The following CAST variants were observed in gnomAD, a reference collection of about 807,000 sequenced individuals.
The protein encoded by CAST is MIR583 host.
In CAST, 76 loss-of-function variants were observed where a neutral mutation model predicts 119.6. That is an observed-to-expected ratio of 0.64 (90% CI 0.53 to 0.77). The LOEUF (loss-of-function observed/expected upper bound fraction) is 0.77. CAST is among the 30% of genes least tolerant of loss of function. CAST has a pLI of 0.00. For missense variants in CAST, 953 were observed against 946.5 expected, an observed-to-expected ratio of 1.01 and a Z score of -0.09; for synonymous variants, 319 against 331.6, an observed-to-expected ratio of 0.96 and a Z score of 0.41.
chr5:96,115,183 C>T, the CAST span, among the ~76,000 whole-genome samples: 1 of 152,204 alleles, frequency 6.6e-6, no homozygotes, highest in African/African-American at 2.4e-5. Context: ...GACAAGCTCC[C>T]CACTACCACT....
the CAST span, among the ~76,000 whole-genome samples, chr5:96,024,770 CT>C: frequency 3.3e-5 from 5 of 152,084 alleles, no homozygotes; most frequent in Non-Finnish European, 5.9e-5. Flanking sequence ...TTTTAGCCTT[CT>C]TTTCATATGA....
the CAST span, among the ~76,000 whole-genome samples, chr5:96,447,639 A>G: frequency 6.6e-6 from 1 of 152,246 alleles, no homozygotes; most frequent in Admixed American, 6.5e-5. Flanking sequence ...TTACTTGGGA[A>G]CACTTGGTCA....
the CAST span, among the ~76,000 whole-genome samples, chr5:96,081,415 C>T: frequency 5.9e-5 from 9 of 152,090 alleles, no homozygotes; most frequent in Non-Finnish European, 7.4e-5. Flanking sequence ...GATCAGAGAA[C>T]GATATTCTTG....
At chr5:96,134,472 A>T in the CAST span, among the ~76,000 whole-genome samples, 1 of 152,218 alleles carries the variant, frequency 6.6e-6, no homozygotes, top group Admixed American at 6.5e-5. Context: ...CTGTGCCTCT[A>T]CTGGGATTCA....
chr5:96,434,625 G>GTTTT, the CAST span, among the ~76,000 whole-genome samples: 2 of 149,260 alleles, frequency 1.3e-5, no homozygotes, highest in African/African-American at 2.5e-5. Flanking sequence ...TTTTGTTGTT[G>GTTTT]TTGTTGTTGT....
At chr5:96,087,727 G>A in the CAST span, among the ~76,000 whole-genome samples, 5 of 152,112 alleles carry the variant, frequency 3.3e-5, no homozygotes, top group Middle Eastern at 3.2e-3. Flanking sequence ...CTGATTTGGC[G>A]GGATTTCAGA....
At chr5:96,664,923 T>C (rs1005482756) in intron 1 of CAST, among the ~76,000 whole-genome samples, 2 of 152,204 alleles carry the variant, frequency 1.3e-5, no homozygotes, top group Non-Finnish European at 2.9e-5. Context: ...TCTGCAAATA[T>C]GGATAGCAGT....
At chr5:96,643,995 A>G (rs1281017984) in intron 1 of CAST, among the ~76,000 whole-genome samples, 1 of 152,034 alleles carries the variant, frequency 6.6e-6, no homozygotes, top group Admixed American at 6.6e-5. Flanking sequence ...GCAGTGAGCC[A>G]AGATCATGCC....
chr5:96,143,580 G>C, the CAST span, among the ~76,000 whole-genome samples: 1 of 152,230 alleles, frequency 6.6e-6, no homozygotes, highest in East Asian at 1.9e-4. Context: ...CTGGTCCCCA[G>C]CTGCCTGCTA....
At chr5:95,982,087 G>A in the CAST span, among the ~76,000 whole-genome samples, 1 of 149,936 alleles carries the variant, frequency 6.7e-6, no homozygotes, top group Non-Finnish European at 1.5e-5. Context: ...CATATAAGAT[G>A]TAATACATTT....
At chr5:96,300,482 T>C in the CAST span, among the ~76,000 whole-genome samples, 1 of 152,186 alleles carries the variant, frequency 6.6e-6, no homozygotes, top group African/African-American at 2.4e-5. Context: ...GCCGATACCA[T>C]GCTGTTTTAA....
chr5:96,672,726 AAAAG>A (rs1750258436), intron 1 of CAST, among the ~76,000 whole-genome samples: 1 of 151,434 alleles, frequency 6.6e-6, no homozygotes, highest in Admixed American at 6.6e-5. Context: ...AAAAAAAAAA[AAAAG>A]AACTGGAAAA....
At chr5:96,449,630 T>C in the CAST span, among the ~76,000 whole-genome samples, 2 of 152,366 alleles carry the variant, frequency 1.3e-5, no homozygotes, top group South Asian at 4.1e-4. Context: ...TTGCCATGTG[T>C]ATTTTTGCTT....
the CAST span, among the ~76,000 whole-genome samples, chr5:96,345,783 G>A: frequency 6.6e-6 from 1 of 152,298 alleles, no homozygotes; most frequent in Middle Eastern, 3.4e-3. Context: ...TGTTGCTGGA[G>A]GCTTCCCTCA....
At chr5:96,685,428 T>C in intron 2 of CAST, among the ~76,000 whole-genome samples, 1 of 152,226 alleles carries the variant, frequency 6.6e-6, no homozygotes, top group East Asian at 1.9e-4. Flanking sequence ...TAGCAAGATA[T>C]CTGTCTTATC....
chr5:96,582,623 T>C (rs1039563440), intron 1 of CAST, among the ~76,000 whole-genome samples: 1 of 152,130 alleles, frequency 6.6e-6, no homozygotes, highest in Non-Finnish European at 1.5e-5. Context: ...TGGGACGGAG[T>C]GAGCAGTGCG....
chr5:96,575,757 C>T (rs1746659688), intron 1 of CAST, among the ~76,000 whole-genome samples: 1 of 151,982 alleles, frequency 6.6e-6, no homozygotes, highest in African/African-American at 2.4e-5. Context: ...ATCCTCCTAC[C>T]TCAGACCCTT....
chr5:96,660,203 T>C (rs909665705), upstream of CAST, among the ~76,000 whole-genome samples: 4 of 152,058 alleles, frequency 2.6e-5, no homozygotes, highest in African/African-American at 9.7e-5. Context: ...CCACCCCTTC[T>C]CCTTCTGTTC....
At chr5:96,703,403 G>C (rs987299443) in intron 3 of CAST, among the ~76,000 whole-genome samples, 14 of 152,214 alleles carry the variant, frequency 9.2e-5, no homozygotes, top group African/African-American at 3.4e-4. Flanking sequence ...CTGCGTACCT[G>C]ATACATGCTG....
Sources: gnomAD v4.1 joint callset for allele counts (sites outside exome capture counted in the v4.1 genomes callset) on GRCh38, gnomAD v4.1.1 for gene constraint, MANE v1.5 for transcripts, NCBI Gene and HGNC (gene_info 2026-07-23, HGNC 2026-07-21) for gene names.